The following ANKRD13C variants were observed in gnomAD, a reference collection of about 807,000 sequenced individuals.
ANKRD13C encodes ankyrin repeat domain-containing protein 13C.
Under a neutral mutation model 65.5 loss-of-function variants are expected in ANKRD13C, and 16 were observed. That is an observed-to-expected ratio of 0.24 (90% CI 0.17 to 0.37). The LOEUF is 0.37. ANKRD13C is among the 10% of genes least tolerant of loss of function. ANKRD13C has a pLI of 1.00. For missense variants in ANKRD13C, 503 were observed against 655.9 expected, an observed-to-expected ratio of 0.77 and a Z score of 2.55; for synonymous variants, 235 against 238.7, an observed-to-expected ratio of 0.98 and a Z score of 0.14.
chr1:70,287,398 T>A (rs986833791), intron 9 of ANKRD13C, among the ~76,000 whole-genome samples: 17 of 149,068 alleles, frequency 1.1e-4, no homozygotes, highest in Admixed American at 4.0e-4. Context: ...AAAAAAAAAA[T>A]AAATAAACCT....
At chr1:70,285,064 T>G (rs140933378) in intron 9 of ANKRD13C, among the ~76,000 whole-genome samples, 56 of 152,270 alleles carry the variant, frequency 3.7e-4, no homozygotes, top group African/African-American at 1.3e-3. Flanking sequence ...TCTGAGTTAC[T>G]AACCTACAAT....
At chr1:70,308,563 C>G (rs1680690106) in intron 5 of ANKRD13C, among the ~76,000 whole-genome samples, 1 of 151,718 alleles carries the variant, frequency 6.6e-6, no homozygotes, top group Non-Finnish European at 1.5e-5. Context: ...CACGGTGAAA[C>G]CCCGTCTTTA....
chr1:70,277,498 T>C (rs1356969184), intron 9 of ANKRD13C, among the ~76,000 whole-genome samples: 2 of 146,586 alleles, frequency 1.4e-5, no homozygotes, highest in African/African-American at 2.5e-5. Flanking sequence ...GAATTTACAA[T>C]TCAGTTGGAA....
chr1:70,334,894 G>T (rs1256105916), intron 2 of ANKRD13C, among the ~76,000 whole-genome samples: 1 of 151,738 alleles, frequency 6.6e-6, no homozygotes, highest in African/African-American at 2.4e-5. Context: ...CAATAAGAGT[G>T]AAATTCTATC....
At chr1:70,264,257 C>T (rs1572007605) in intron 12 of ANKRD13C, among the ~76,000 whole-genome samples, 1 of 152,082 alleles carries the variant, frequency 6.6e-6, no homozygotes, top group South Asian at 2.1e-4. Flanking sequence ...AGGTGGATCA[C>T]TTGAGGTCAG....
chr1:70,315,238 T>C (rs1681025771), intron 4 of ANKRD13C, among the ~76,000 whole-genome samples: 1 of 152,190 alleles, frequency 6.6e-6, no homozygotes. Context: ...TTACCTCCTT[T>C]TTTTTTCTTT....
intron 1 of ANKRD13C, among the ~76,000 whole-genome samples, chr1:70,342,877 G>A (rs1004026593): frequency 6.6e-6 from 1 of 152,110 alleles, no homozygotes; most frequent in Non-Finnish European, 1.5e-5. Flanking sequence ...TCTAAAGCAT[G>A]TGAATGTTAT....
At chr1:70,346,207 A>G (rs1315313495) in intron 1 of ANKRD13C, among the ~76,000 whole-genome samples, 1 of 152,118 alleles carries the variant, frequency 6.6e-6, no homozygotes, top group Non-Finnish European at 1.5e-5. Flanking sequence ...GCACAATCCC[A>G]ATTATGTCAC....
chr1:70,324,360 C>G (rs750609746), intron 3 of ANKRD13C, among the ~76,000 whole-genome samples: 3 of 152,112 alleles, frequency 2.0e-5, no homozygotes, highest in Non-Finnish European at 4.4e-5. Flanking sequence ...CAACATTCAG[C>G]ATATTATCAA....
rs563070847 is a variant in ANKRD13C at position 70,284,899 on chromosome 1, C to A, written c.1215+7489G>T. On this transcript the variant is annotated intron_variant, in intron 9 of 12. Coordinates refer to ENST00000370944, the MANE Select transcript of ANKRD13C (RefSeq NM_030816.5). ...CATTCCTGTTGTTTTCTTTTTTTAG[C>A]CAGCTACGAAAGACATCCAATAAAT... Among the ~76,000 whole-genome samples, 584 of 152,122 alleles carry A rather than the reference C, an allele frequency of 3.8e-3. 4 individuals carry two copies. Among genetic ancestry groups the A allele is most frequent in the Non-Finnish European group, 7.1e-3 (483 of 68,004 alleles).
chr1:70,309,699 G>A (rs1405378877), intron 5 of ANKRD13C, among the ~76,000 whole-genome samples: 1 of 141,760 alleles, frequency 7.1e-6, no homozygotes, highest in East Asian at 2.1e-4. Flanking sequence ...CTGGGCGACA[G>A]AGCCAGACTC....
At chr1:70,325,434 T>G (rs1481218099) in intron 2 of ANKRD13C, among the ~76,000 whole-genome samples, 1 of 152,170 alleles carries the variant, frequency 6.6e-6, no homozygotes, top group Non-Finnish European at 1.5e-5. Flanking sequence ...TTTTTCAAAT[T>G]TTATAATTGT....
Position 70,298,382 on chromosome 1 carries a change from A to G in ANKRD13C, c.922-2121T>C, listed in dbSNP as rs536315273. On this transcript the variant is annotated intron_variant, in intron 7 of 12. Coordinates refer to ENST00000370944, the MANE Select transcript of ANKRD13C (RefSeq NM_030816.5). ...CATTTAATGAAGTTATTACTTATAC[A>G]TACATACATATTAGGATAAACAACA... 4.6e-5 allele frequency among the ~76,000 whole-genome samples: 7 copies of G among 152,280 alleles called. No homozygotes were observed. In the East Asian group the frequency reaches 1.3e-3, roughly 29 times the overall value.
intron 1 of ANKRD13C, among the ~76,000 whole-genome samples, chr1:70,349,500 C>CAA (rs146637791): frequency 7.3e-6 from 1 of 136,928 alleles, no homozygotes; most frequent in Admixed American, 7.2e-5. Context: ...ATTGATGACT[C>CAA]AAAAAAAAAA....
chr1:70,329,576 G>A (rs1681693558), intron 2 of ANKRD13C, among the ~76,000 whole-genome samples: 1 of 151,782 alleles, frequency 6.6e-6, no homozygotes. Context: ...TAAAAAGCAG[G>A]TTGCACAACA....
In ANKRD13C at chr1:70,325,344, G is replaced by A. The variant is rs114944031; in HGVS notation, c.473-387C>T. Among the ~76,000 whole-genome samples, 580 of 152,220 alleles carry A rather than the reference G, an allele frequency of 3.8e-3. 3 individuals carry two copies. The highest frequency in any genetic ancestry group is 0.013 in the African/African-American group (532 of 41,524). On this transcript the variant is annotated intron_variant, in intron 2 of 12. Coordinates refer to ENST00000370944, the MANE Select transcript of ANKRD13C (RefSeq NM_030816.5). ...AAAAGAGGATCTGTGTGTCCATAAT[G>A]TCAAATAGTAAGTTCATTTTTTATT...
chr1:70,315,634 T>TTA (rs1410395122), intron 3 of ANKRD13C, 68 bp from the exon 4 acceptor site: 2 of 1,227,638 alleles, frequency 1.6e-6, no homozygotes, highest in Non-Finnish European at 2.3e-6. Flanking sequence ...CACTGGCTTA[T>TTA]TATACATATA....
chr1:70,280,791 T>C (rs972709664), intron 9 of ANKRD13C, among the ~76,000 whole-genome samples: 1 of 152,208 alleles, frequency 6.6e-6, no homozygotes, highest in African/African-American at 2.4e-5. Context: ...TTACTGAGCA[T>C]AGCCATTACA....
intron 4 of ANKRD13C, among the ~76,000 whole-genome samples, chr1:70,314,966 C>T (rs757939323): frequency 1.3e-5 from 2 of 152,088 alleles, no homozygotes; most frequent in Admixed American, 1.3e-4. Flanking sequence ...AGGCCGGGCA[C>T]GGTGGCTCAC....
Sources: gnomAD v4.1 joint callset for allele counts (sites outside exome capture counted in the v4.1 genomes callset) on GRCh38, gnomAD v4.1.1 for gene constraint, MANE v1.5 for transcripts, NCBI Gene and HGNC (gene_info 2026-07-23, HGNC 2026-07-21) for gene names.